Variants in CHAF1A observed in about 807,000 individuals in gnomAD.
CHAF1A encodes the protein chromatin assembly factor 1 subunit A.
CHAF1A carries 5 observed loss-of-function variants against 93.2 expected under a neutral mutation model. The ratio of observed to expected loss-of-function variants is 0.05; its 90% CI spans 0.03 to 0.11. The LOEUF (loss-of-function observed/expected upper bound fraction) is 0.11, where lower values mean the gene tolerates loss of function less well. CHAF1A is among the 10% of genes least tolerant of loss of function. CHAF1A has a pLI of 1.00. For synonymous variants in CHAF1A, 504 were observed against 510.3 expected (o/e 0.99, Z 0.17); for missense variants, 1,102 against 1,259.9 (o/e 0.87, Z 1.90).
rs1453714174 is a variant in CHAF1A at position 4,422,818 on chromosome 19, C to T, written c.1247+23C>T. ...GGAGTGAGTGTCCTTGGAGGCCATG[C>T]TGGGCCCGCCACCCTGCTGCTGGAT... On this transcript the variant is annotated intron_variant, in intron 5 of 14. Transcript: ENST00000301280. This position sits in a 1 kb window ranked among gnomAD's most constrained non-coding sequence, Gnocchi z 4.6. 2.5e-6 allele frequency: 4 copies of T among 1,603,798 alleles called. No individual in the cohort carries two copies. The highest frequency in any genetic ancestry group is 1.7e-5 in the Admixed American group (1 of 59,734).
At chr19:4,442,509 G>A (rs562045606) in intron 14 of CHAF1A, among the ~76,000 whole-genome samples, 168 bp downstream of exon 14, 85 of 152,360 alleles carry the variant, frequency 5.6e-4, no homozygotes, top group African/African-American at 1.8e-3. Flanking sequence ...GGGCTGGGCC[G>A]TGGGTGCTGA....
downstream of CHAF1A, chr19:4,445,339 G>A (rs532343400): frequency 2.1e-5 from 27 of 1,275,136 alleles, no homozygotes; most frequent in South Asian, 2.1e-4. Context: ...GCTCTGCCAC[G>A]GGGCCCAATT....
At chr19:4,448,821 T>G, downstream of CHAF1A, 1 of 214,028 alleles carries the variant, frequency 4.7e-6, no homozygotes, top group East Asian at 1.2e-4. Context: ...CGCAGCCCCA[T>G]GATGGACGTT....
intron 3 of CHAF1A, among the ~76,000 whole-genome samples, chr19:4,412,306 G>T (rs567774083): frequency 2.0e-5 from 3 of 152,228 alleles, no homozygotes; most frequent in Non-Finnish European, 4.4e-5. Context: ...ACTTTGGGAC[G>T]CCGAGGCGGG....
chr19:4,419,029 A>ATTTTTTTTTTTTTTTTT (rs11406470), intron 4 of CHAF1A, among the ~76,000 whole-genome samples: 10 of 96,468 alleles, frequency 1.0e-4, no homozygotes, highest in Non-Finnish European at 1.5e-4. Context: ...TAGCCAGCTA[A>ATTTTTTTTTTTTTTTTT]TTTTTTTTTT....
At chr19:4,436,380 G>A (rs1358587030) in intron 13 of CHAF1A, among the ~76,000 whole-genome samples, 14 of 152,200 alleles carry the variant, frequency 9.2e-5, no homozygotes, top group Non-Finnish European at 1.5e-5. Context: ...AGTGTGTCAT[G>A]TGCATAGTTC....
At chr19:4,406,291 C>G (rs988955466) in intron 2 of CHAF1A, among the ~76,000 whole-genome samples, 1 of 152,212 alleles carries the variant, frequency 6.6e-6, no homozygotes, top group African/African-American at 2.4e-5. Context: ...AAAAATATCT[C>G]TATACGTGGC....
chr19:4,429,128 G>C (rs1351511969), intron 8 of CHAF1A: 2 of 590,986 alleles, frequency 3.4e-6, no homozygotes, highest in Non-Finnish European at 6.0e-6. Context: ...TTTCCCTGCT[G>C]GTCTCCAGTG....
intron 13 of CHAF1A, among the ~76,000 whole-genome samples, chr19:4,440,526 G>A (rs1049458037): frequency 2.0e-5 from 3 of 151,856 alleles, no homozygotes; most frequent in Admixed American, 6.6e-5. Flanking sequence ...GGAGAATGGT[G>A]TGAACCCAGG....
At chr19:4,430,344 A>G (rs1295842372) in intron 10 of CHAF1A, among the ~76,000 whole-genome samples, 1 of 151,962 alleles carries the variant, frequency 6.6e-6, no homozygotes, top group East Asian at 1.9e-4. Flanking sequence ...TGCCCAGCCA[A>G]GATTTGTATT....
rs1568179914 is a variant in CHAF1A, at chr19:4,431,979, G to A, written c.1975G>A (p.Val659Ile). 1 of 1,612,540 alleles carries A rather than the reference G, an allele frequency of 6.2e-7. No individual in the cohort carries two copies. The highest frequency in any genetic ancestry group is 8.5e-7 in the Non-Finnish European group (1 of 1,178,756). ...EECADPENHKVRQKLKAKEWD... is the reference protein window; with the variant it reads ...EECADPENHKIRQKLKAKEWD... ...GTGTGCCGACCCTGAGAACCATAAG[G>A]TCCGCCAGAAACTGAAGGCCAAGGA... Residue 659 changes from valine to isoleucine, a missense_variant, in exon 12 of 15, where the codon GTC becomes ATC. Around this residue, in one of 6 missense-constraint regions of CHAF1A, gnomAD observed 335 missense variants for 361.9 expected, o/e 0.93. Transcript: ENST00000301280.
At chr19:4,417,486 A>G (rs1973915178) in intron 3 of CHAF1A, among the ~76,000 whole-genome samples, 2 of 125,176 alleles carry the variant, frequency 1.6e-5, no homozygotes, top group South Asian at 5.7e-4. Flanking sequence ...TTTAAGACAG[A>G]GTCTCACCCT....
intron 3 of CHAF1A, among the ~76,000 whole-genome samples, chr19:4,413,001 C>T (rs1052960997): frequency 4.6e-5 from 7 of 152,204 alleles, no homozygotes; most frequent in Admixed American, 1.3e-4. Context: ...ACTTTATCTC[C>T]GAACCTTTAA....
At chr19:4,407,666 A>T (rs957869154) in intron 2 of CHAF1A, among the ~76,000 whole-genome samples, 1 of 152,118 alleles carries the variant, frequency 6.6e-6, no homozygotes, top group Non-Finnish European at 1.5e-5. Flanking sequence ...AGGATGTTGA[A>T]GCGGGGCATG....
At chr19:4,409,809 A>G in intron 3 of CHAF1A, 50 bp downstream of exon 3, 1 of 1,544,858 alleles carries the variant, frequency 6.5e-7, no homozygotes, top group Non-Finnish European at 8.8e-7. Context: ...CGGATCTCAG[A>G]GCGCTGTCAG....
At position 4,428,840 on chromosome 19, in the gene CHAF1A, G is replaced by A. The variant is rs373495353; in HGVS notation, c.1554G>A (p.Leu518=). 2 of 1,613,980 alleles carry A rather than the reference G, an allele frequency of 1.2e-6. No individual in the cohort carries two copies. The highest frequency in any genetic ancestry group is 1.7e-6 in the Non-Finnish European group (2 of 1,180,038). The part of the protein sequence containing the change: ...FLKDLKGRQP[L]RSGPTHVSTR... ...AAGACCTCAAAGGCCGGCAGCCCCT[G>A]AGGTCCGGACCCACGCACGTTTCCA... The change falls in exon 8 of 15, where the codon CTG becomes CTA. Residue 518 remains leucine, a synonymous_variant. Coordinates refer to ENST00000301280, the MANE Select transcript of CHAF1A (RefSeq NM_005483.3).
chr19:4,405,739 G>A (rs1437853931), intron 1 of CHAF1A, among the ~76,000 whole-genome samples, 173 bp from the exon 2 acceptor site: 1 of 151,368 alleles, frequency 6.6e-6, no homozygotes, highest in Non-Finnish European at 1.5e-5. Flanking sequence ...ATCCCTTTGA[G>A]CCCTCCCTGC....
At chr19:4,425,171 G>A (rs1877594925) in intron 7 of CHAF1A, among the ~76,000 whole-genome samples, 1 of 152,150 alleles carries the variant, frequency 6.6e-6, no homozygotes, top group Admixed American at 6.5e-5. Flanking sequence ...TATTGTGACA[G>A]CCAGAGATCC....
At chr19:4,446,367 G>A (rs751965942), downstream of CHAF1A, 36 of 1,572,714 alleles carry the variant, frequency 2.3e-5, no homozygotes, top group Admixed American at 1.3e-4. Context: ...TCCTTCTCCC[G>A]CATGGCCTTG....
Sources: gnomAD v4.1 joint callset for allele counts (sites outside exome capture counted in the v4.1 genomes callset) on GRCh38, gnomAD v4.1.1 for gene constraint, gnomAD v4.1.1 regional missense constraint, Gnocchi (gnomAD v3.1) non-coding constraint, MANE v1.5 for transcripts, NCBI Gene and HGNC (gene_info 2026-07-23, HGNC 2026-07-21) for gene names.